ZRANB3: variants seen among roughly 807,000 people sequenced by gnomAD.
ZRANB3 encodes DNA annealing helicase and endonuclease ZRANB3.
ZRANB3 carries 125 observed loss-of-function variants against 133.8 expected under a neutral mutation model. The ratio of observed to expected loss-of-function variants is 0.93; its 90% CI spans 0.81 to 1.08. ZRANB3 has a LOEUF of 1.08. Ranked by LOEUF, ZRANB3 falls within the 50% of genes least tolerant of loss-of-function variation. ZRANB3 has a pLI of 0.00. For missense variants in ZRANB3, 1,229 were observed against 1,275.5 expected (o/e 0.96, Z 0.56); for synonymous variants, 387 against 432.7 (o/e 0.89, Z 1.31).
chr2:135,246,039 C>CTTTTTT (rs569950745), intron 12 of ZRANB3, among the ~76,000 whole-genome samples: 5 of 100,424 alleles, frequency 5.0e-5, no homozygotes, highest in African/African-American at 2.0e-4. Flanking sequence ...TTCTTTCTTT[C>CTTTTTT]TTTTTTTTTT....
At chr2:135,355,576 C>T (rs1413772977) in intron 3 of ZRANB3, among the ~76,000 whole-genome samples, 2 of 152,064 alleles carry the variant, frequency 1.3e-5, no homozygotes, top group African/African-American at 4.8e-5. Context: ...AGGCTGGTCT[C>T]AAACTCCCGA....
chr2:135,409,041 G>C (rs1688181842), intron 2 of ZRANB3, among the ~76,000 whole-genome samples: 1 of 152,124 alleles, frequency 6.6e-6, no homozygotes, highest in East Asian at 1.9e-4. Flanking sequence ...TTGGCTCATG[G>C]TTCTGCAGGC....
chr2:135,223,237 C>T (rs375555485), intron 15 of ZRANB3, among the ~76,000 whole-genome samples: 13 of 150,446 alleles, frequency 8.6e-5, no homozygotes, highest in East Asian at 1.9e-4. Flanking sequence ...GGCAACGGAG[C>T]GAGACTGTCC....
At chr2:135,405,327 T>C (rs1289392609) in intron 2 of ZRANB3, among the ~76,000 whole-genome samples, 1 of 152,190 alleles carries the variant, frequency 6.6e-6, no homozygotes, top group Non-Finnish European at 1.5e-5. Flanking sequence ...AAGCAAGTCA[T>C]GAGTGACATA....
At chr2:135,240,413 A>G (rs1237848683) in intron 12 of ZRANB3, among the ~76,000 whole-genome samples, 1 of 152,226 alleles carries the variant, frequency 6.6e-6, no homozygotes, top group Non-Finnish European at 1.5e-5. Context: ...CAGAATTTTG[A>G]AAATACTAGC....
chr2:135,449,723 A>C (rs1690182378), intron 2 of ZRANB3, among the ~76,000 whole-genome samples: 1 of 152,228 alleles, frequency 6.6e-6, no homozygotes, highest in African/African-American at 2.4e-5. Context: ...TATTTTATCC[A>C]TATAACTATT....
At chr2:135,372,734 C>G (rs1686239135) in intron 3 of ZRANB3, among the ~76,000 whole-genome samples, 1 of 150,568 alleles carries the variant, frequency 6.6e-6, no homozygotes, top group South Asian at 2.1e-4. Flanking sequence ...TTGCAGTAAG[C>G]CAAGATTGCG....
intron 3 of ZRANB3, among the ~76,000 whole-genome samples, chr2:135,384,060 T>C (rs906233319): frequency 1.3e-5 from 2 of 152,016 alleles, no homozygotes; most frequent in Non-Finnish European, 2.9e-5. Flanking sequence ...CAGGAGCTGG[T>C]TTTTTGAAAA....
chr2:135,236,561 A>C (rs1264094041), intron 12 of ZRANB3, among the ~76,000 whole-genome samples: 2 of 152,200 alleles, frequency 1.3e-5, no homozygotes, highest in African/African-American at 4.8e-5. Context: ...ACAGTAACCA[A>C]AACAGCATGG....
Position 135,457,081 on chromosome 2 carries a change from G to A in ZRANB3, c.161+47248C>T, listed in dbSNP as rs187937760. On this transcript the variant is annotated intron_variant, in intron 2 of 20. Coordinates refer to ENST00000264159, the MANE Select transcript of ZRANB3 (RefSeq NM_032143.4). ...TAAATACGCCATCATACAATAAGTGGCCTCTTGTGTCTGGCTTCCTTAACT... is the reference window on the plus strand; with the variant it reads ...TAAATACGCCATCATACAATAAGTGACCTCTTGTGTCTGGCTTCCTTAACT... Among the ~76,000 whole-genome samples, 10 of 152,256 alleles carry A rather than the reference G, an allele frequency of 6.6e-5. No homozygotes were observed. In the East Asian group the frequency reaches 1.9e-3, roughly 29 times the overall value.
chr2:135,405,228 G>A (rs1037390609), intron 2 of ZRANB3, among the ~76,000 whole-genome samples: 3 of 152,064 alleles, frequency 2.0e-5, no homozygotes, highest in Non-Finnish European at 2.9e-5. Context: ...AAAGAAGGCC[G>A]TTACATAATG....
chr2:135,378,575 A>T (rs1051679720), intron 3 of ZRANB3, among the ~76,000 whole-genome samples: 2 of 152,120 alleles, frequency 1.3e-5, no homozygotes, highest in African/African-American at 4.8e-5. Flanking sequence ...CTTCCCAAAA[A>T]TTCAGTATAA....
intron 1 of ZRANB3, among the ~76,000 whole-genome samples, chr2:135,525,926 A>C (rs1694140246): frequency 6.6e-6 from 1 of 152,080 alleles, no homozygotes; most frequent in Non-Finnish European, 1.5e-5. Flanking sequence ...AAGTGAAATA[A>C]ATTAGCCACA....
chr2:135,451,956 A>C (rs1213761468), intron 2 of ZRANB3, among the ~76,000 whole-genome samples: 1 of 152,212 alleles, frequency 6.6e-6, no homozygotes, highest in African/African-American at 2.4e-5. Flanking sequence ...TTGAAGACAG[A>C]GCAAAACATC....
At chr2:135,434,091 G>C (rs74888239) in intron 2 of ZRANB3, among the ~76,000 whole-genome samples, 15,862 of 152,244 alleles carry the variant, frequency 0.1, 1,093 homozygotes, top group South Asian at 0.32. Flanking sequence ...GAACCCAGGA[G>C]GCACGGGTTG....
chr2:135,462,877 G>A (rs1258147051), intron 2 of ZRANB3, among the ~76,000 whole-genome samples: 2 of 152,184 alleles, frequency 1.3e-5, no homozygotes, highest in Non-Finnish European at 2.9e-5. Flanking sequence ...ACAGGCATGA[G>A]CCACCATGTC....
intron 2 of ZRANB3, among the ~76,000 whole-genome samples, chr2:135,421,102 G>A (rs1688825991): frequency 1.3e-5 from 2 of 152,140 alleles, no homozygotes; most frequent in Admixed American, 1.3e-4. Flanking sequence ...ACTCTGAAAT[G>A]AAAAGCTGCT....
chr2:135,371,229 C>T (rs979255581), intron 3 of ZRANB3, among the ~76,000 whole-genome samples: 2 of 152,146 alleles, frequency 1.3e-5, no homozygotes, highest in African/African-American at 2.4e-5. Context: ...CATTTTTAAA[C>T]AACTGCTAGT....
At chr2:135,288,048 T>G (rs1222286517) in intron 8 of ZRANB3, among the ~76,000 whole-genome samples, 1 of 152,176 alleles carries the variant, frequency 6.6e-6, no homozygotes, top group African/African-American at 2.4e-5. Flanking sequence ...TTTCCCCATT[T>G]GGTATAATGT....
Sources: allele counts gnomAD v4.1 joint callset (sites outside exome capture counted in the v4.1 genomes callset), GRCh38; gene constraint gnomAD v4.1.1; transcripts MANE v1.5; gene names NCBI Gene and HGNC (gene_info 2026-07-23, HGNC 2026-07-21).